TRIO: variants seen among roughly 807,000 people sequenced by gnomAD.
TRIO encodes the protein trio Rho guanine nucleotide exchange factor, also known as triple functional domain protein.
In TRIO, 58 loss-of-function variants were observed where a neutral mutation model predicts 351.9. The ratio of observed to expected loss-of-function variants is 0.16; its 90% CI spans 0.13 to 0.21. The LOEUF is 0.21. Among genes scored for constraint, TRIO ranks in the 10% least tolerant of loss-of-function variants. The pLI, the probability that TRIO is intolerant of heterozygous loss-of-function variation, is 1.00. For missense variants in TRIO, 3,201 were observed against 4,027.8 expected (o/e 0.79, Z 5.56); for synonymous variants, 1,758 against 1,595.7 (o/e 1.10, Z -2.42).
Position 14,292,896 on chromosome 5 carries a change from G to A in TRIO, c.1054-116G>A, listed in dbSNP as rs184855073. 1.1e-4 allele frequency: 158 copies of A among 1,434,892 alleles called. No homozygotes were observed. The African/African-American group carries it at 1.3e-3, about 12-fold the overall frequency. The allele number at this position is 1,434,892 out of a possible 1,614,324, so 88.9% of individuals were successfully genotyped here. A position where few individuals can be genotyped will look rare whatever the true frequency, so the allele number is the denominator to read the frequency against. On this transcript the variant is annotated intron_variant, in intron 5 of 56. Transcript: ENST00000344204. ...GACTCTTCTGAGAGAATCAGACAGC[G>A]CTTGAAGTTGTCCAGGGAAGGAAGT...
At position 14,329,097 on chromosome 5, in the gene TRIO, CT is replaced by C. The variant is rs1740670986; in HGVS notation, c.1732-1680del. Among the ~76,000 whole-genome samples, 4 of 152,296 alleles carry C rather than the reference CT, an allele frequency of 2.6e-5. No individual in the cohort carries two copies. The South Asian group carries it at 8.3e-4, about 32-fold the overall frequency. ...CTCACCAGCTGCTGCTTTTTTCCCC[CT>C]ATATCTATGAACATGGCTGATCTCT... On this transcript the variant is annotated intron_variant, in intron 9 of 56. Coordinates refer to ENST00000344204, the MANE Select transcript of TRIO (RefSeq NM_007118.4).
chr5:14,357,499 G>C (rs1372366841), intron 11 of TRIO, among the ~76,000 whole-genome samples: 2 of 152,204 alleles, frequency 1.3e-5, no homozygotes, highest in Non-Finnish European at 2.9e-5. Context: ...ATTCCAGGGT[G>C]TCTTTACTCA....
chr5:14,200,122 C>T (rs1257055958), intron 1 of TRIO, among the ~76,000 whole-genome samples: 1 of 152,118 alleles, frequency 6.6e-6, no homozygotes, highest in Non-Finnish European at 1.5e-5. Context: ...GCCAGGACAG[C>T]AGTGTCCTCT....
rs114594543 is a variant in TRIO at position 14,279,103 on chromosome 5, A to G, written c.233-1219A>G. ...ACCCTACCTGGATCTGTTGTTACCTATGATTGTTGCTCCCATATAATACCT... is the reference window on the plus strand; with the variant it reads ...ACCCTACCTGGATCTGTTGTTACCTGTGATTGTTGCTCCCATATAATACCT... On this transcript the variant is annotated intron_variant, in intron 2 of 56. Transcript: ENST00000344204. Among the ~76,000 whole-genome samples, 1,331 of 152,310 alleles carry G rather than the reference A, an allele frequency of 8.7e-3. 14 individuals are homozygous for G. The highest frequency in any genetic ancestry group is 0.03 in the African/African-American group (1,249 of 41,560).
At chr5:14,420,449 T>G (rs1432221593) in intron 34 of TRIO, 1 of 160,736 alleles carries the variant, frequency 6.2e-6, no homozygotes, top group African/African-American at 2.4e-5. Flanking sequence ...TTCTCCTGAT[T>G]AATTATAGGC....
intron 34 of TRIO, among the ~76,000 whole-genome samples, chr5:14,452,942 C>T (rs1302842239): frequency 1.3e-5 from 2 of 152,024 alleles, no homozygotes; most frequent in Non-Finnish European, 2.9e-5. Flanking sequence ...CCCAAATTTA[C>T]AGACTGGGCC....
At chr5:14,278,151 G>A (rs1735702319) in intron 2 of TRIO, among the ~76,000 whole-genome samples, 1 of 152,206 alleles carries the variant, frequency 6.6e-6, no homozygotes, top group African/African-American at 2.4e-5. Flanking sequence ...GCTCACTAGT[G>A]CTACCAGCCT....
At chr5:14,233,133 A>G (rs993472765) in intron 1 of TRIO, among the ~76,000 whole-genome samples, 1 of 152,048 alleles carries the variant, frequency 6.6e-6, no homozygotes, top group Admixed American at 6.6e-5. Flanking sequence ...TTGAGGTCAG[A>G]TACCTAGTTC....
chr5:14,438,644 C>T (rs1751785486), intron 34 of TRIO, among the ~76,000 whole-genome samples: 1 of 152,316 alleles, frequency 6.6e-6, no homozygotes, highest in South Asian at 2.1e-4. Flanking sequence ...AGACCAGATC[C>T]CTGGCCATGC....
intron 1 of TRIO, among the ~76,000 whole-genome samples, chr5:14,267,934 A>G (rs566090724): frequency 6.6e-6 from 1 of 152,270 alleles, no homozygotes; most frequent in Non-Finnish European, 1.5e-5. Flanking sequence ...ACTCTTTTTC[A>G]GTGACAATCT....
intron 11 of TRIO, among the ~76,000 whole-genome samples, chr5:14,337,100 C>T (rs779438855): frequency 3.9e-5 from 6 of 152,120 alleles, no homozygotes; most frequent in African/African-American, 9.7e-5. Flanking sequence ...CTGGATTTTA[C>T]GAGACTTCTC....
chr5:14,314,916 G>A (rs1327013024), intron 8 of TRIO, among the ~76,000 whole-genome samples: 1 of 152,206 alleles, frequency 6.6e-6, no homozygotes, highest in Admixed American at 6.5e-5. Context: ...CTTTGGTTAT[G>A]TCAGCTGAGC....
chr5:14,250,263 C>G (rs1467307864), intron 1 of TRIO, among the ~76,000 whole-genome samples: 1 of 152,202 alleles, frequency 6.6e-6, no homozygotes, highest in Non-Finnish European at 1.5e-5. Context: ...TTGACGATAC[C>G]TCTGAGCCAC....
chr5:14,144,307 G>C (rs927148791), intron 1 of TRIO, among the ~76,000 whole-genome samples: 2 of 152,306 alleles, frequency 1.3e-5, no homozygotes, highest in African/African-American at 4.8e-5. Context: ...AGCCGGGGCC[G>C]GTCCGGGACG....
chr5:14,428,889 G>A (rs955441891), intron 34 of TRIO, among the ~76,000 whole-genome samples: 1 of 152,166 alleles, frequency 6.6e-6, no homozygotes, highest in African/African-American at 2.4e-5. Flanking sequence ...GGTGACTCAT[G>A]GGCCAAGCAG....
intron 49 of TRIO, among the ~76,000 whole-genome samples, chr5:14,496,477 C>A (rs1014673902): frequency 3.3e-5 from 5 of 152,180 alleles, no homozygotes; most frequent in African/African-American, 9.6e-5. Context: ...TCCCTTAAGG[C>A]CTTCGGCTCA....
intron 2 of TRIO, among the ~76,000 whole-genome samples, chr5:14,277,335 T>G (rs551332544): frequency 1.3e-5 from 2 of 152,288 alleles, no homozygotes; most frequent in South Asian, 2.1e-4. Context: ...AACTGGTTTG[T>G]TTTTGTTTTT....
chr5:14,209,593 A>G (rs1022610827), intron 1 of TRIO, among the ~76,000 whole-genome samples: 4 of 151,726 alleles, frequency 2.6e-5, no homozygotes, highest in African/African-American at 9.7e-5. Flanking sequence ...ACTTGAGTTG[A>G]CTCTTCTGTA....
intron 8 of TRIO, among the ~76,000 whole-genome samples, chr5:14,309,113 A>T (rs2152299919): frequency 7.2e-6 from 1 of 139,644 alleles, no homozygotes; most frequent in African/African-American, 2.7e-5. Context: ...ACATGCACAT[A>T]CACATCCATA....
Sources: gnomAD v4.1 joint callset for allele counts (sites outside exome capture counted in the v4.1 genomes callset) on GRCh38, gnomAD v4.1.1 for gene constraint, MANE v1.5 for transcripts, NCBI Gene and HGNC (gene_info 2026-07-23, HGNC 2026-07-21) for gene names.